The following HIPK3 variants were observed in gnomAD, a reference collection of about 807,000 sequenced individuals.
The protein encoded by HIPK3 is homeodomain interacting protein kinase 3, also known as homeodomain-interacting protein kinase 3.
Under a neutral mutation model 124.2 loss-of-function variants are expected in HIPK3, and 47 were observed. That is an observed-to-expected ratio of 0.38 (90% CI 0.30 to 0.48). HIPK3 has a LOEUF of 0.48. HIPK3 is among the 20% of genes least tolerant of loss of function. The pLI is 0.98. For missense variants in HIPK3, 1,286 were observed against 1,454.3 expected, an observed-to-expected ratio of 0.88 and a Z score of 1.88; for synonymous variants, 482 against 515.2, an observed-to-expected ratio of 0.94 and a Z score of 0.87.
chr11:33,306,530 A>C (rs912444756), intron 2 of HIPK3, among the ~76,000 whole-genome samples: 7 of 152,180 alleles, frequency 4.6e-5, no homozygotes, highest in Non-Finnish European at 7.3e-5. Flanking sequence ...ATAGTCCTAA[A>C]TATTAAGTAA....
intron 2 of HIPK3, among the ~76,000 whole-genome samples, chr11:33,305,127 A>G (rs1441460748): frequency 6.6e-6 from 1 of 152,186 alleles, no homozygotes; most frequent in Non-Finnish European, 1.5e-5. Context: ...CAGCTTCCCA[A>G]GTAGCTGGGA....
intron 1 of HIPK3, among the ~76,000 whole-genome samples, chr11:33,269,549 AACAT>A (rs1851065598): frequency 6.6e-6 from 1 of 151,614 alleles, no homozygotes; most frequent in Non-Finnish European, 1.5e-5. Flanking sequence ...TCAGCTTTTT[AACAT>A]GCCCAAGTAT....
intron 1 of HIPK3, among the ~76,000 whole-genome samples, chr11:33,263,056 G>C (rs1850867521): frequency 6.6e-6 from 1 of 152,106 alleles, no homozygotes; most frequent in Non-Finnish European, 1.5e-5. Context: ...TTTTTGTAGA[G>C]ACGGGGTTGT....
rs942659273 is a variant in HIPK3 at position 33,326,907 on chromosome 11, T to C, written c.1098-1603T>C. 2.0e-4 allele frequency among the ~76,000 whole-genome samples: 31 copies of C among 152,056 alleles called. 1 individual carries two copies. The highest frequency in any genetic ancestry group is 2.0e-3 in the Admixed American group (31 of 15,258). ...TGTTGCCCAGGCTGATCTGGAACTCTTGGGCTCAAGCAATCCTACCATGTT... is the reference window on the plus strand; with the variant it reads ...TGTTGCCCAGGCTGATCTGGAACTCCTGGGCTCAAGCAATCCTACCATGTT... On this transcript the variant is annotated intron_variant, in intron 2 of 16. Coordinates refer to ENST00000303296, the MANE Select transcript of HIPK3 (RefSeq NM_005734.5).
rs1337701573 is a variant in HIPK3, at chr11:33,355,767, AC to A, written c.*2200del. 2 of 151,982 alleles carry A rather than the reference AC, an allele frequency of 1.3e-5. No homozygotes were observed. Among genetic ancestry groups the A allele is most frequent in the Non-Finnish European group, 2.9e-5 (2 of 67,880 alleles). The allele number at this position is 151,982 out of a possible 1,614,324, so 9.4% of individuals were successfully genotyped here. A position where few individuals can be genotyped will look rare whatever the true frequency, so the allele number is the denominator to read the frequency against. On this transcript the variant is annotated 3_prime_UTR_variant, in exon 17 of 17. Transcript: ENST00000303296. Reference sequence around the variant, plus strand: ...TTTTTAGTCACACTGAAAATGAAGGACTTAATTTTCCCCACAAGTTTCAGTG... The same window carrying A: ...TTTTTAGTCACACTGAAAATGAAGGATTAATTTTCCCCACAAGTTTCAGTG...
Position 33,286,957 on chromosome 11 carries a change from C to CT in HIPK3, c.544dup (p.Tyr182LeufsTer7). The stretch of plus-strand genomic sequence containing the variant: ...AGAATTGTACCACTGGAGAAGGTGA[C>CT]TATCAGTTAGTACAGCATGAAGTCT... On this transcript the variant is annotated frameshift_variant, in exon 2 of 17. Transcript: ENST00000303296. LOFTEE classifies it high-confidence loss of function. The CT allele has an allele frequency of 6.2e-7, 1 of 1,614,110 alleles. No homozygotes were observed.
Position 33,287,248 on chromosome 11 carries a change from G to A in HIPK3, c.834G>A (p.Leu278=). The A allele has an allele frequency of 1.2e-6, 2 of 1,614,082 alleles. No individual in the cohort carries two copies. Among genetic ancestry groups the A allele is most frequent in the Non-Finnish European group, 1.7e-6 (2 of 1,179,994 alleles). ...RNHTCLVFEM[L]EQNLYDFLKQ... is the part of the protein sequence containing the mutation. ...ATACTTGTTTAGTCTTTGAGATGCTGGAACAAAACTTGTATGACTTTCTGA... is the reference window on the plus strand; with the variant it reads ...ATACTTGTTTAGTCTTTGAGATGCTAGAACAAAACTTGTATGACTTTCTGA... The change falls in exon 2 of 17, where the codon CTG becomes CTA. Residue 278 remains leucine, a synonymous_variant. Coordinates refer to ENST00000303296, the MANE Select transcript of HIPK3 (RefSeq NM_005734.5).
intron 2 of HIPK3, among the ~76,000 whole-genome samples, chr11:33,315,121 A>T (rs1852459019): frequency 6.6e-6 from 1 of 152,084 alleles, no homozygotes; most frequent in Non-Finnish European, 1.5e-5. Flanking sequence ...AGTTACTGAC[A>T]TGTTTTGTCT....
chr11:33,287,181 A>G lies in HIPK3; in HGVS notation c.767A>G (p.Tyr256Cys), dbSNP rs777509665. Residue 256 changes from tyrosine to cysteine, a missense_variant, in exon 2 of 17, where the codon TAT (tyrosine) becomes TGT (cysteine). This residue lies in a region of HIPK3 where 251 missense variants were observed against 349.1 expected (regional missense o/e 0.72). Transcript: ENST00000303296. ...CTCAGTACTGAAAATGCTGATGAAT[A>G]TAACTTTGTACGAGCTTATGAATGC... The part of the protein sequence containing the change: ...ARLSTENADE[Y>C]NFVRAYECFQ... 3.7e-6 allele frequency: 6 copies of G among 1,614,222 alleles called. No individual in the cohort carries two copies. Among genetic ancestry groups the G allele is most frequent in the African/African-American group, 2.7e-5 (2 of 75,066 alleles).
chr11:33,306,424 A>G (rs1352050709), intron 2 of HIPK3, among the ~76,000 whole-genome samples: 2 of 152,096 alleles, frequency 1.3e-5, no homozygotes, highest in Non-Finnish European at 2.9e-5. Flanking sequence ...TGACAGAAAT[A>G]TGTGTTTAAA....
At chr11:33,261,847 G>C (rs1233649371) in intron 1 of HIPK3, among the ~76,000 whole-genome samples, 1 of 152,122 alleles carries the variant, frequency 6.6e-6, no homozygotes, top group Non-Finnish European at 1.5e-5. Context: ...CAGTGTATCA[G>C]CCTCCCCTTT....
intron 1 of HIPK3, among the ~76,000 whole-genome samples, chr11:33,277,434 G>A (rs1379722534): frequency 6.6e-6 from 1 of 152,066 alleles, no homozygotes; most frequent in Non-Finnish European, 1.5e-5. Context: ...CTTTGAAATT[G>A]GGATGCATCT....
chr11:33,287,274 A>G lies in HIPK3; in HGVS notation c.860A>G (p.Lys287Arg), dbSNP rs1165183553. 1.2e-6 allele frequency: 2 copies of G among 1,614,132 alleles called. No individual in the cohort carries two copies. The highest frequency in any genetic ancestry group is 3.3e-5 in the Admixed American group (2 of 60,026). Reference protein sequence around the residue: ...MLEQNLYDFLKQNKFSPLPLK... With the variant: ...MLEQNLYDFLRQNKFSPLPLK... ...GAACAAAACTTGTATGACTTTCTGA[A>G]ACAAAATAAATTTAGTCCCCTGCCA... The change falls in exon 2 of 17, where the codon AAA becomes AGA. Residue 287 changes from lysine to arginine, a missense_variant. Physicochemically the swap from Lys to Arg is conservative, Grantham distance 26 (BLOSUM62 2). Transcript: ENST00000303296.
Position 33,337,307 on chromosome 11 carries a change from G to A in HIPK3, c.1341+113G>A, listed in dbSNP as rs186462165. ...TTTTACTATATTTCTTCCTTTTTTT[G>A]AATTTTCATTTTTGGCCCTTCTTTA... On this transcript the variant is annotated intron_variant, in intron 4 of 16. Transcript: ENST00000303296. The A allele has an allele frequency of 1.5e-3, 795 of 547,286 alleles. 3 individuals are homozygous for A. The highest frequency in any genetic ancestry group is 8.8e-4 in the Non-Finnish European group (311 of 353,688). The allele number at this position is 547,286 out of a possible 1,614,324, so 33.9% of individuals were successfully genotyped here. A position where few individuals can be genotyped will look rare whatever the true frequency, so the allele number is the denominator to read the frequency against.
Position 33,285,780 on chromosome 11 carries a change from C to CT in HIPK3, c.-2-624dup, listed in dbSNP as rs970580414. ...AATGTGTACAGTTAAAGGATCTGTA[C>CT]TTTTTTTTTGAGACAGAGTCTTGCT... On this transcript the variant is annotated intron_variant, in intron 1 of 16. Transcript: ENST00000303296. Among the ~76,000 whole-genome samples, 10 of 150,958 alleles carry CT rather than the reference C, an allele frequency of 6.6e-5. No homozygotes were observed. The South Asian group carries it at 8.4e-4, about 13-fold the overall frequency.
At chr11:33,265,927 C>CA (rs1198338107) in intron 1 of HIPK3, among the ~76,000 whole-genome samples, 1 of 149,616 alleles carries the variant, frequency 6.7e-6, no homozygotes, top group African/African-American at 2.5e-5. Flanking sequence ...CTACTAAAAA[C>CA]AAAAAAATTA....
At chr11:33,289,149 T>G (rs1220309925) in intron 2 of HIPK3, among the ~76,000 whole-genome samples, 1 of 152,154 alleles carries the variant, frequency 6.6e-6, no homozygotes, top group Non-Finnish European at 1.5e-5. Flanking sequence ...TAAAGCTTAT[T>G]AAAATATGTA....
chr11:33,285,575 AAAAATATAT>A (rs760200995), intron 1 of HIPK3, among the ~76,000 whole-genome samples: 3 of 146,540 alleles, frequency 2.0e-5, no homozygotes, highest in Admixed American at 6.8e-5. Context: ...CTCAAAAAAA[AAAAATATAT>A]ATATATATAT....
At chr11:33,299,310 A>G (rs933755820) in intron 2 of HIPK3, among the ~76,000 whole-genome samples, 2 of 151,704 alleles carry the variant, frequency 1.3e-5, no homozygotes, top group Admixed American at 1.3e-4. Context: ...TGTCTCTACT[A>G]AAAATGCAAA....
Sources: gnomAD v4.1 joint callset for allele counts (sites outside exome capture counted in the v4.1 genomes callset) on GRCh38, gnomAD v4.1.1 for gene constraint, gnomAD v4.1.1 regional missense constraint, MANE v1.5 for transcripts, NCBI Gene and HGNC (gene_info 2026-07-23, HGNC 2026-07-21) for gene names.